The following ACBD5 variants were observed in gnomAD, a reference collection of about 807,000 sequenced individuals.
ACBD5 encodes the protein acyl-CoA binding domain containing 5, also known as acyl-CoA-binding domain-containing protein 5.
Under a neutral mutation model 71.8 loss-of-function variants are expected in ACBD5, and 40 were observed. That is an observed-to-expected ratio of 0.56 (90% CI 0.43 to 0.72). The LOEUF is 0.72. ACBD5 is among the 30% of genes least tolerant of loss of function. ACBD5 has a pLI of 0.00. For missense variants in ACBD5, 559 were observed against 644.5 expected (o/e 0.87, Z 1.44); for synonymous variants, 229 against 218.6 (o/e 1.05, Z -0.42).
At position 27,196,511 on chromosome 10, in the gene ACBD5, C is replaced by T. The variant is rs2059398360; in HGVS notation, c.*919G>A. ...CTGAGGCACTAAGAGGTTAAGAGTC[C>T]AGTCTATATAGTTCATCAGTTGCAG... is the stretch of plus-strand genomic sequence containing the variant. On this transcript the variant is annotated 3_prime_UTR_variant, in exon 13 of 13. Transcript: ENST00000396271. 7 of 453,640 alleles carry T rather than the reference C, an allele frequency of 1.5e-5. 1 individual carries two copies. The highest frequency in any genetic ancestry group is 1.1e-4 in the South Asian group (7 of 64,446). 28.1% of individuals were successfully genotyped at this position (453,640 alleles called of 1,614,324 possible). A position where few individuals can be genotyped will look rare whatever the true frequency, so the allele number is the denominator to read the frequency against.
At position 27,211,056 on chromosome 10, in the gene ACBD5, T is replaced by G. The variant is rs768365855; in HGVS notation, c.962A>C (p.Asn321Thr). The change falls in exon 9 of 13, where the codon AAT becomes ACT. Residue 321 changes from asparagine to threonine, a missense_variant. Coordinates refer to ENST00000396271, the MANE Select transcript of ACBD5 (RefSeq NM_145698.5). Reference protein sequence around the residue: ...EESLDSFTSNNGPFQYYLGGH... With the variant: ...EESLDSFTSNTGPFQYYLGGH... ...ACCCAAGTAATACTGAAATGGTCCA[T>G]TGTTGGACGTAAAGCTGTCTAAAGA... 6.2e-7 allele frequency: 1 copy of G among 1,614,166 alleles called. No homozygotes were observed. Among genetic ancestry groups the G allele is most frequent in the Non-Finnish European group, 8.5e-7 (1 of 1,180,036 alleles).
At chr10:27,192,780 G>A (rs527843808), downstream of ACBD5, among the ~76,000 whole-genome samples, 32 of 152,180 alleles carry the variant, frequency 2.1e-4, no homozygotes, top group East Asian at 3.9e-3. Flanking sequence ...GACCAGCCTG[G>A]CCAATATGGT....
At chr10:27,238,138 G>A (rs925043318) in intron 2 of ACBD5, among the ~76,000 whole-genome samples, 2 of 151,762 alleles carry the variant, frequency 1.3e-5, no homozygotes, top group African/African-American at 2.4e-5. Flanking sequence ...GTAGAGACGG[G>A]GTTTCACCGT....
intron 8 of ACBD5, among the ~76,000 whole-genome samples, chr10:27,211,523 G>A (rs1451242867): frequency 1.3e-5 from 2 of 152,144 alleles, no homozygotes; most frequent in African/African-American, 4.8e-5. Context: ...GTTTCACCAT[G>A]TTGGCCAGGA....
At chr10:27,222,776 G>A (rs1444329543) in intron 5 of ACBD5, among the ~76,000 whole-genome samples, 1 of 152,032 alleles carries the variant, frequency 6.6e-6, no homozygotes, top group East Asian at 1.9e-4. Context: ...TCACCAAGTT[G>A]GCAAGTCTGG....
At chr10:27,230,382 A>G (rs561506137) in intron 4 of ACBD5, among the ~76,000 whole-genome samples, 1 of 152,306 alleles carries the variant, frequency 6.6e-6, no homozygotes, top group South Asian at 2.1e-4. Context: ...CCATCAAATC[A>G]TGTGGCAAAA....
Position 27,222,090 on chromosome 10 carries a change from G to A in ACBD5, c.490+1248C>T, listed in dbSNP as rs544345363. Among the ~76,000 whole-genome samples, 5 of 152,182 alleles carry A rather than the reference G, an allele frequency of 3.3e-5. No homozygotes were observed. In the East Asian group the frequency reaches 5.8e-4, roughly 18 times the overall value. On this transcript the variant is annotated intron_variant, in intron 5 of 12. Coordinates refer to ENST00000396271, the MANE Select transcript of ACBD5 (RefSeq NM_145698.5). Reference sequence around the variant, plus strand: ...AGTAAGCAGTCAGTACTACTTGCACGTGGTTTATGACCGTGACAAGGACCG... The same window carrying A: ...AGTAAGCAGTCAGTACTACTTGCACATGGTTTATGACCGTGACAAGGACCG...
intron 3 of ACBD5, among the ~76,000 whole-genome samples, chr10:27,234,518 C>A (rs559839): frequency 1.4e-5 from 2 of 147,060 alleles, no homozygotes; most frequent in African/African-American, 2.5e-5. Context: ...AAAGGGAAAA[C>A]TCCATGAAAG....
intron 7 of ACBD5, among the ~76,000 whole-genome samples, chr10:27,215,916 C>T (rs2137268064): frequency 2.6e-5 from 4 of 152,044 alleles, no homozygotes; most frequent in Middle Eastern, 3.4e-3. Context: ...CTCTTGTGGC[C>T]CAGGCTGGAG....
chr10:27,208,845 TA>T (rs920229588), intron 9 of ACBD5, among the ~76,000 whole-genome samples: 11 of 150,804 alleles, frequency 7.3e-5, no homozygotes, highest in African/African-American at 1.9e-4. Context: ...CTCAAAAAAA[TA>T]AAAAAAAACT....
At chr10:27,227,126 A>T (rs1234555922) in intron 4 of ACBD5, among the ~76,000 whole-genome samples, 4 of 61,716 alleles carry the variant, frequency 6.5e-5, no homozygotes, top group African/African-American at 2.7e-4. Context: ...AAGATTGGCC[A>T]CCCCTGGTCT....
chr10:27,201,646 T>C (rs999184093), intron 12 of ACBD5, among the ~76,000 whole-genome samples: 9 of 152,084 alleles, frequency 5.9e-5, no homozygotes, highest in African/African-American at 2.2e-4. Flanking sequence ...CTACTAAAAA[T>C]ACAAAAATTA....
chr10:27,227,814 G>A (rs530030979), intron 4 of ACBD5, among the ~76,000 whole-genome samples: 12 of 152,130 alleles, frequency 7.9e-5, no homozygotes, highest in African/African-American at 2.9e-4. Context: ...CTTAATTCAA[G>A]TGATTCTTCT....
downstream of ACBD5, among the ~76,000 whole-genome samples, chr10:27,192,552 G>C (rs1215825269): frequency 6.6e-6 from 1 of 152,138 alleles, no homozygotes; most frequent in Non-Finnish European, 1.5e-5. Flanking sequence ...AGAATCACTG[G>C]ATTCTCGTGG....
At chr10:27,213,226 AC>A (rs759108691) in intron 8 of ACBD5, among the ~76,000 whole-genome samples, 4 of 152,214 alleles carry the variant, frequency 2.6e-5, no homozygotes, top group Non-Finnish European at 5.9e-5. Context: ...TTCTCAAAAG[AC>A]CTACAAATGG....
intron 6 of ACBD5, 32 bp downstream of exon 6, chr10:27,219,691 G>A (rs1040028073): frequency 1.2e-6 from 2 of 1,611,826 alleles, no homozygotes; most frequent in East Asian, 4.5e-5. Context: ...TTTATTTATT[G>A]CAAAATTACT....
intron 12 of ACBD5, among the ~76,000 whole-genome samples, chr10:27,198,495 G>C (rs1366298807): frequency 2.6e-5 from 4 of 152,296 alleles, no homozygotes; most frequent in African/African-American, 9.6e-5. Flanking sequence ...TTTGGCAGGA[G>C]TGATATTTTA....
chr10:27,193,568 C>T (rs2059173695), downstream of ACBD5: 1 of 152,140 alleles, frequency 6.6e-6, no homozygotes, highest in South Asian at 2.1e-4. Flanking sequence ...TGAGGAGTCT[C>T]CTGTGTGGGA....
downstream of ACBD5, among the ~76,000 whole-genome samples, chr10:27,192,398 G>C (rs138971715): frequency 6.6e-6 from 1 of 152,220 alleles, no homozygotes; most frequent in East Asian, 1.9e-4. Context: ...GTAACTGACT[G>C]CTGGTTCTAT....
Sources: gnomAD v4.1 joint callset for allele counts (sites outside exome capture counted in the v4.1 genomes callset) on GRCh38, gnomAD v4.1.1 for gene constraint, MANE v1.5 for transcripts, NCBI Gene and HGNC (gene_info 2026-07-23, HGNC 2026-07-21) for gene names.